MACROD2: variants seen among roughly 807,000 people sequenced by gnomAD.
The protein encoded by MACROD2 is mono-ADP ribosylhydrolase 2.
In MACROD2, 36 loss-of-function variants were observed where a neutral mutation model predicts 70.4. That is an observed-to-expected ratio of 0.51 (90% CI 0.39 to 0.68). The LOEUF (loss-of-function observed/expected upper bound fraction) is 0.68. Ranked by LOEUF, MACROD2 falls within the 30% of genes least tolerant of loss-of-function variation. The pLI, the probability that MACROD2 is intolerant of heterozygous loss-of-function variation, is 0.00. For missense variants in MACROD2, 496 were observed against 538.4 expected, an observed-to-expected ratio of 0.92 and a Z score of 0.78; for synonymous variants, 172 against 178.8, an observed-to-expected ratio of 0.96 and a Z score of 0.30.
At position 15,250,093 on chromosome 20, in the gene MACROD2, T is replaced by C. The variant is rs144939657; in HGVS notation, c.540+20032T>C. The stretch of plus-strand genomic sequence containing the variant: ...CCACTCTTAAATACAAATTTTTGGC[T>C]ACCTGGAAGGTCCAGGAAGGTCATC... On this transcript the variant is annotated intron_variant, in intron 6 of 17. Coordinates refer to ENST00000684519, the MANE Select transcript of MACROD2 (RefSeq NM_001351661.2). Among the ~76,000 whole-genome samples the C allele has an allele frequency of 2.2e-3, 331 of 152,356 alleles. 1 individual carries two copies. The highest frequency in any genetic ancestry group is 7.6e-3 in the African/African-American group (316 of 41,584).
chr20:14,597,491 T>A (rs1982223510), intron 4 of MACROD2, among the ~76,000 whole-genome samples: 1 of 152,172 alleles, frequency 6.6e-6, no homozygotes, highest in Admixed American at 6.5e-5. Context: ...CAAGAAACTT[T>A]GTCATCTTCA....
intron 3 of MACROD2, among the ~76,000 whole-genome samples, chr20:14,492,194 A>G (rs1638518742): frequency 6.6e-6 from 1 of 152,142 alleles, no homozygotes; most frequent in Admixed American, 6.6e-5. Context: ...GGACTTGCAG[A>G]CCTGAGTGAT....
chr20:14,409,234 T>C (rs780099855), intron 3 of MACROD2, among the ~76,000 whole-genome samples: 2 of 145,852 alleles, frequency 1.4e-5, no homozygotes, highest in Non-Finnish European at 3.0e-5. Context: ...AGAACAGAAA[T>C]GCTGGATCCC....
chr20:15,878,937 T>A (rs1407425807), intron 9 of MACROD2, among the ~76,000 whole-genome samples: 1 of 152,144 alleles, frequency 6.6e-6, no homozygotes, highest in East Asian at 1.9e-4. Context: ...TATTCATGTG[T>A]TTGTGTAGAA....
At chr20:15,151,823 G>A (rs1246127469) in intron 5 of MACROD2, among the ~76,000 whole-genome samples, 1 of 152,026 alleles carries the variant, frequency 6.6e-6, no homozygotes, top group Non-Finnish European at 1.5e-5. Context: ...GCTGGACCGG[G>A]TGTGAGGAGG....
intron 5 of MACROD2, among the ~76,000 whole-genome samples, chr20:15,118,091 A>G (rs561229192): frequency 2.5e-4 from 38 of 152,190 alleles, no homozygotes; most frequent in African/African-American, 8.4e-4. Flanking sequence ...ATACTAGTGT[A>G]AGGTCTAGCT....
intron 6 of MACROD2, among the ~76,000 whole-genome samples, chr20:15,243,830 G>A (rs948431140): frequency 6.6e-6 from 1 of 151,826 alleles, no homozygotes; most frequent in Non-Finnish European, 1.5e-5. Context: ...GGAGGCTGAG[G>A]CAGGAGAATG....
Position 14,311,690 on chromosome 20 carries a change from G to A in MACROD2, c.272-181789G>A, listed in dbSNP as rs148264729. ...CCGCCACCATGCCTGCCTAATTTTTGTATTTTTAGTAGAGACGGGGTTTCA... is the reference window on the plus strand; with the variant it reads ...CCGCCACCATGCCTGCCTAATTTTTATATTTTTAGTAGAGACGGGGTTTCA... On this transcript the variant is annotated intron_variant, in intron 3 of 17. Transcript: ENST00000684519. Among the ~76,000 whole-genome samples, 1,037 of 152,084 alleles carry A rather than the reference G, an allele frequency of 6.8e-3. 7 individuals are homozygous for A. Among genetic ancestry groups the A allele is most frequent in the Admixed American group, 0.01 (155 of 15,274 alleles).
At chr20:15,534,785 G>A (rs1279837143) in intron 8 of MACROD2, among the ~76,000 whole-genome samples, 1 of 152,160 alleles carries the variant, frequency 6.6e-6, no homozygotes, top group African/African-American at 2.4e-5. Flanking sequence ...GGAGTTCTGA[G>A]TTTGTCAGAT....
At chr20:14,994,464 G>C (rs1177197754) in intron 5 of MACROD2, among the ~76,000 whole-genome samples, 2 of 152,056 alleles carry the variant, frequency 1.3e-5, no homozygotes, top group Non-Finnish European at 2.9e-5. Flanking sequence ...CAGATGGCAC[G>C]GGAGCAGGTT....
intron 5 of MACROD2, among the ~76,000 whole-genome samples, chr20:14,714,055 C>T (rs1444859398): frequency 6.6e-6 from 1 of 152,056 alleles, no homozygotes; most frequent in Non-Finnish European, 1.5e-5. Flanking sequence ...CTACTTTGGA[C>T]AAAGTGGGGC....
chr20:15,659,599 T>C (rs1204354928), intron 8 of MACROD2, among the ~76,000 whole-genome samples: 1 of 152,074 alleles, frequency 6.6e-6, no homozygotes, highest in Non-Finnish European at 1.5e-5. Context: ...GGAGATATTT[T>C]TGTTTTTCAC....
At chr20:15,672,070 T>G (rs1249350715) in intron 8 of MACROD2, among the ~76,000 whole-genome samples, 2 of 152,158 alleles carry the variant, frequency 1.3e-5, no homozygotes, top group African/African-American at 4.8e-5. Flanking sequence ...CAGGACTCAC[T>G]AAGCTGCTTA....
Position 14,010,657 on chromosome 20 carries a change from A to G in MACROD2, c.163+8253A>G, listed in dbSNP as rs568365361. On this transcript the variant is annotated intron_variant, in intron 2 of 17. Transcript: ENST00000684519. Reference sequence around the variant, plus strand: ...TTTGTTTTCTGGCACTGCATCTGGTATGTCTTCTTTCTCATTGTCTGGCAC... The same window carrying G: ...TTTGTTTTCTGGCACTGCATCTGGTGTGTCTTCTTTCTCATTGTCTGGCAC... Among the ~76,000 whole-genome samples the G allele has an allele frequency of 4.7e-5, 7 of 150,188 alleles. No individual in the cohort carries two copies. The East Asian group carries it at 9.9e-4, about 21-fold the overall frequency.
chr20:14,037,886 G>A (rs6131547), intron 2 of MACROD2, among the ~76,000 whole-genome samples: 17 of 152,016 alleles, frequency 1.1e-4, no homozygotes, highest in Admixed American at 3.3e-4. Context: ...ATGGTGGTGC[G>A]AGCCTGTAGC....
chr20:15,575,086 A>G (rs908016427), intron 8 of MACROD2, among the ~76,000 whole-genome samples: 1 of 152,192 alleles, frequency 6.6e-6, no homozygotes. Flanking sequence ...AAAGGTAGCC[A>G]TTCTCTCCCA....
intron 4 of MACROD2, among the ~76,000 whole-genome samples, chr20:14,530,408 G>T (rs1283506349): frequency 6.6e-6 from 1 of 152,160 alleles, no homozygotes; most frequent in Non-Finnish European, 1.5e-5. Flanking sequence ...GTCAAGAAGG[G>T]AAAGAAGCAC....
intron 5 of MACROD2, among the ~76,000 whole-genome samples, chr20:14,785,402 G>T (rs892696291): frequency 6.6e-6 from 1 of 151,810 alleles, no homozygotes; most frequent in Non-Finnish European, 1.5e-5. Flanking sequence ...CCTTTAATGG[G>T]ATGATAACCA....
At chr20:15,497,441 G>A (rs6131675) in intron 7 of MACROD2, among the ~76,000 whole-genome samples, 63,973 of 151,890 alleles carry the variant, frequency 0.42, 14,155 homozygotes, top group Non-Finnish European at 0.49. Flanking sequence ...ACAGGTGCCC[G>A]CCACCACGTT....
Sources: allele counts gnomAD v4.1 joint callset (sites outside exome capture counted in the v4.1 genomes callset), GRCh38; gene constraint gnomAD v4.1.1; transcripts MANE v1.5; gene names NCBI Gene and HGNC (gene_info 2026-07-23, HGNC 2026-07-21).